Variants in CNTNAP2 observed in about 807,000 individuals in gnomAD.
The protein encoded by CNTNAP2 is contactin-associated protein-like 2.
CNTNAP2 carries 98 observed loss-of-function variants against 155.2 expected under a neutral mutation model. That is an observed-to-expected ratio of 0.63 (90% confidence interval 0.54 to 0.75). The LOEUF (loss-of-function observed/expected upper bound fraction) is 0.75. Among genes scored for constraint, CNTNAP2 ranks in the 30% least tolerant of loss-of-function variants. The pLI is 0.00. For missense variants in CNTNAP2, 1,727 were observed against 1,688.1 expected, an observed-to-expected ratio of 1.02 and a Z score of -0.40; for synonymous variants, 651 against 631.2, an observed-to-expected ratio of 1.03 and a Z score of -0.47.
chr7:147,560,329 C>G (rs559376540), intron 11 of CNTNAP2, among the ~76,000 whole-genome samples: 6 of 152,244 alleles, frequency 3.9e-5, no homozygotes, highest in African/African-American at 1.4e-4. Context: ...AAACCTATTG[C>G]ATTGCTGCAC....
At chr7:146,673,110 T>C (rs914141265) in intron 1 of CNTNAP2, among the ~76,000 whole-genome samples, 1 of 152,164 alleles carries the variant, frequency 6.6e-6, no homozygotes, top group Admixed American at 6.5e-5. Flanking sequence ...TTCAGAATCA[T>C]AGATTCATGC....
At chr7:146,766,250 T>C (rs1244372885) in intron 1 of CNTNAP2, among the ~76,000 whole-genome samples, 5 of 152,210 alleles carry the variant, frequency 3.3e-5, no homozygotes, top group African/African-American at 1.2e-4. Flanking sequence ...TGTAGGCATA[T>C]CCATTAAATT....
intron 15 of CNTNAP2, among the ~76,000 whole-genome samples, chr7:148,096,863 A>T (rs1288560088): frequency 6.6e-6 from 1 of 152,180 alleles, no homozygotes; most frequent in Non-Finnish European, 1.5e-5. Context: ...AATATCCCTT[A>T]ATATAACTCA....
intron 11 of CNTNAP2, among the ~76,000 whole-genome samples, chr7:147,492,913 G>A (rs758118930): frequency 6.6e-6 from 1 of 152,082 alleles, no homozygotes; most frequent in African/African-American, 2.4e-5. Context: ...GTCATTTAAT[G>A]TCTCTAAACT....
At chr7:148,149,903 A>T (rs17170855) in intron 17 of CNTNAP2, among the ~76,000 whole-genome samples, 41,950 of 151,842 alleles carry the variant, frequency 0.28, 5,989 homozygotes, top group East Asian at 0.36. Context: ...GCAGAAACAG[A>T]AATTTCAGAA....
chr7:146,578,071 ATTAG>A (rs1177077617), intron 1 of CNTNAP2, among the ~76,000 whole-genome samples: 1 of 152,140 alleles, frequency 6.6e-6, no homozygotes, highest in Non-Finnish European at 1.5e-5. Flanking sequence ...TTCTAATAAA[ATTAG>A]TTATTTGTTC....
At chr7:147,212,758 C>T (rs142854863) in intron 8 of CNTNAP2, among the ~76,000 whole-genome samples, 2 of 152,166 alleles carry the variant, frequency 1.3e-5, no homozygotes, top group Non-Finnish European at 2.9e-5. Context: ...TTATTAAAAA[C>T]AAAATTGTAT....
intron 22 of CNTNAP2, among the ~76,000 whole-genome samples, chr7:148,405,908 A>G (rs1799693447): frequency 6.6e-6 from 1 of 151,840 alleles, no homozygotes. Flanking sequence ...TTTTATCACT[A>G]TATTTAATAT....
intron 18 of CNTNAP2, among the ~76,000 whole-genome samples, chr7:148,196,246 A>G (rs1795275706): frequency 1.3e-5 from 2 of 152,230 alleles, no homozygotes; most frequent in Non-Finnish European, 2.9e-5. Flanking sequence ...TTGACTGTCA[A>G]GACTCAGCAT....
intron 8 of CNTNAP2, among the ~76,000 whole-genome samples, chr7:147,211,344 C>T (rs771581417): frequency 1.1e-4 from 16 of 151,958 alleles, no homozygotes; most frequent in African/African-American, 1.4e-4. Flanking sequence ...ATGACAGTTA[C>T]GTCTTCTCAT....
chr7:147,058,763 C>T (rs528806322), intron 4 of CNTNAP2, among the ~76,000 whole-genome samples: 10 of 152,078 alleles, frequency 6.6e-5, no homozygotes, highest in East Asian at 1.9e-4. Flanking sequence ...TGTGCCACCA[C>T]GCCCAGCTAA....
intron 10 of CNTNAP2, among the ~76,000 whole-genome samples, chr7:147,444,353 A>G (rs1035224042): frequency 2.0e-5 from 3 of 152,196 alleles, no homozygotes; most frequent in African/African-American, 4.8e-5. Flanking sequence ...GCATAGGTTT[A>G]AAATAATTTT....
At chr7:148,128,241 T>C (rs1037309459) in intron 16 of CNTNAP2, among the ~76,000 whole-genome samples, 1 of 152,216 alleles carries the variant, frequency 6.6e-6, no homozygotes, top group Non-Finnish European at 1.5e-5. Flanking sequence ...TTTTAGTGTT[T>C]CTACTACTTT....
At chr7:148,086,287 T>A (rs1803728402) in intron 15 of CNTNAP2, among the ~76,000 whole-genome samples, 1 of 152,216 alleles carries the variant, frequency 6.6e-6, no homozygotes, top group South Asian at 2.1e-4. Flanking sequence ...TTTAGTTTTA[T>A]GAATTAAATA....
At chr7:148,003,183 G>A (rs1037941426) in intron 15 of CNTNAP2, among the ~76,000 whole-genome samples, 1 of 152,090 alleles carries the variant, frequency 6.6e-6, no homozygotes, top group Non-Finnish European at 1.5e-5. Context: ...GAAGCAGTGG[G>A]CCCTAGATTG....
At chr7:146,708,267 C>T (rs1383377086) in intron 1 of CNTNAP2, among the ~76,000 whole-genome samples, 3 of 152,078 alleles carry the variant, frequency 2.0e-5, no homozygotes, top group African/African-American at 4.8e-5. Flanking sequence ...CATTATAATA[C>T]AGGACCTTAC....
At chr7:146,700,168 A>T (rs1385380896) in intron 1 of CNTNAP2, among the ~76,000 whole-genome samples, 1 of 151,842 alleles carries the variant, frequency 6.6e-6, no homozygotes, top group African/African-American at 2.4e-5. Flanking sequence ...ACTAGTCAAC[A>T]CCCGGTGTCC....
At chr7:147,115,738 C>T (rs971297743) in intron 5 of CNTNAP2, among the ~76,000 whole-genome samples, 3 of 152,142 alleles carry the variant, frequency 2.0e-5, no homozygotes, top group African/African-American at 7.2e-5. Flanking sequence ...CTTAGCTTCT[C>T]TGCATGGGGT....
intron 1 of CNTNAP2, among the ~76,000 whole-genome samples, chr7:146,118,341 A>T (rs773694193): frequency 3.3e-5 from 5 of 152,206 alleles, no homozygotes; most frequent in African/African-American, 4.8e-5. Context: ...TTAAATCACA[A>T]AGAGTTAAAT....
Sources: gnomAD v4.1 joint callset for allele counts (sites outside exome capture counted in the v4.1 genomes callset) on GRCh38, gnomAD v4.1.1 for gene constraint, MANE v1.5 for transcripts, NCBI Gene and HGNC (gene_info 2026-07-23, HGNC 2026-07-21) for gene names.